VIL1: variants seen among roughly 807,000 people sequenced by gnomAD.
The protein encoded by VIL1 is villin-1.
VIL1 carries 86 observed loss-of-function variants against 104.0 expected under a neutral mutation model. The observed-to-expected ratio is 0.83, with a 90% confidence interval of 0.69 to 0.99. VIL1 has a LOEUF of 0.99. Among genes scored for constraint, VIL1 ranks in the 50% least tolerant of loss-of-function variants. VIL1 has a pLI of 0.00. For synonymous variants in VIL1, 394 were observed against 412.6 expected (o/e 0.95, Z 0.55); for missense variants, 944 against 1,054.1 (o/e 0.90, Z 1.45).
intron 19 of VIL1, among the ~76,000 whole-genome samples, chr2:218,443,812 G>A (rs530336733): frequency 1.3e-5 from 2 of 151,110 alleles, no homozygotes; most frequent in South Asian, 2.1e-4. Context: ...ACACCATCAC[G>A]CCTGGCTAAT....
chr2:218,425,843 G>A (rs751111052), intron 4 of VIL1, 32 bp downstream of exon 4: 4 of 1,578,976 alleles, frequency 2.5e-6, no homozygotes, highest in Non-Finnish European at 3.4e-6. Flanking sequence ...CCGGGGGAAT[G>A]AGGATGAGTG....
chr2:218,430,752 C>A lies in VIL1; in HGVS notation c.976C>A (p.Pro326Thr), dbSNP rs754323747. 1 of 1,608,804 alleles carries A rather than the reference C, an allele frequency of 6.2e-7. No homozygotes were observed. ...CTTCATCAAAGCCAAGCAGTACCCA[C>A]CAAGCACACAGGTGGAGGTGCAGAA... ...LNFIKAKQYP[P>T]STQVEVQNDG... The change falls in exon 10 of 20, where the codon CCA (proline) becomes ACA (threonine). Residue 326 changes from proline to threonine, a missense_variant. By Grantham distance (38) the Pro-to-Thr change is conservative. Coordinates refer to ENST00000248444, the MANE Select transcript of VIL1 (RefSeq NM_007127.3).
chr2:218,437,785 G>C (rs984289733), intron 17 of VIL1, among the ~76,000 whole-genome samples: 3 of 152,122 alleles, frequency 2.0e-5, no homozygotes. Flanking sequence ...AAGCAAAATG[G>C]GTCATGTGTG....
chr2:218,428,902 T>C (rs1689046663), intron 6 of VIL1, among the ~76,000 whole-genome samples: 2 of 152,182 alleles, frequency 1.3e-5, no homozygotes, highest in Admixed American at 6.5e-5. Context: ...ACTCCTGATC[T>C]CAGGTGATCC....
intron 18 of VIL1, among the ~76,000 whole-genome samples, chr2:218,439,200 G>C (rs1165227032): frequency 6.6e-6 from 1 of 151,876 alleles, no homozygotes; most frequent in Non-Finnish European, 1.5e-5. Context: ...CAAAGTGCTA[G>C]GATTGCAGGC....
Position 218,432,518 on chromosome 2 carries a change from G to A in VIL1, c.1342-275G>A, listed in dbSNP as rs528568741. On this transcript the variant is annotated intron_variant, in intron 12 of 19. Coordinates refer to ENST00000248444, the MANE Select transcript of VIL1 (RefSeq NM_007127.3). Reference sequence around the variant, plus strand: ...CCTGTGATGTCTCCCTGAAGAAGGAGCAGAAAGGAAAGGAGGAGGTTTGGG... The same window carrying A: ...CCTGTGATGTCTCCCTGAAGAAGGAACAGAAAGGAAAGGAGGAGGTTTGGG... 1.1e-3 allele frequency: 743 copies of A among 697,604 alleles called. 7 individuals are homozygous for A. Among genetic ancestry groups the A allele is most frequent in the South Asian group, 0.01 (701 of 66,852 alleles). 43.2% of individuals were successfully genotyped at this position (697,604 alleles called of 1,614,324 possible). A position where few individuals can be genotyped will look rare whatever the true frequency, so the allele number is the denominator to read the frequency against.
intron 1 of VIL1, among the ~76,000 whole-genome samples, chr2:218,423,256 G>T (rs1217418998): frequency 1.3e-5 from 2 of 152,056 alleles, no homozygotes; most frequent in African/African-American, 4.8e-5. Flanking sequence ...TTAGCCAGGC[G>T]TGGTGGCTCA....
In VIL1 at chr2:218,429,965, G is replaced by A. The variant is rs755310139; in HGVS notation, c.948+18G>A. 2.1e-6 allele frequency: 3 copies of A among 1,409,622 alleles called. No individual in the cohort carries two copies. Among genetic ancestry groups the A allele is most frequent in the Non-Finnish European group, 3.0e-6 (3 of 995,146 alleles). The allele number at this position is 1,409,622 out of a possible 1,614,324, so 87.3% of individuals were successfully genotyped here. A position where few individuals can be genotyped will look rare whatever the true frequency, so the allele number is the denominator to read the frequency against. On this transcript the variant is annotated intron_variant, in intron 9 of 19. Coordinates refer to ENST00000248444, the MANE Select transcript of VIL1 (RefSeq NM_007127.3). ...ATGCGCTGGTAGTGGTGGGGGCGGG[G>A]GAGGGTCCAGGAGGAGGGCAGAGTG...
intron 13 of VIL1, 35 bp downstream of exon 13, chr2:218,432,986 C>T: frequency 1.2e-6 from 2 of 1,612,402 alleles, no homozygotes; most frequent in South Asian, 2.2e-5. Flanking sequence ...TGGCAGTAAC[C>T]ACTGTGGCAA....
At chr2:218,441,766 T>A (rs529340868) in intron 19 of VIL1, among the ~76,000 whole-genome samples, 1 of 152,262 alleles carries the variant, frequency 6.6e-6, no homozygotes, top group African/African-American at 2.4e-5. Context: ...GGAATGCGGA[T>A]CACCTGAGGT....
chr2:218,431,872 T>C lies in VIL1; in HGVS notation c.1118T>C (p.Val373Ala), dbSNP rs139492129. 2.0e-4 allele frequency: 327 copies of C among 1,613,176 alleles called. 1 individual carries two copies. Among genetic ancestry groups the C allele is most frequent in the Non-Finnish European group, 2.5e-4 (297 of 1,179,788 alleles). Residue 373 changes from valine to alanine, a missense_variant, in exon 11 of 20, where the codon GTG (valine) becomes GCG (alanine). By Grantham distance (64) the Val-to-Ala change is moderately conservative. Coordinates refer to ENST00000248444, the MANE Select transcript of VIL1 (RefSeq NM_007127.3). ...CCCACTCTAGCCAAAGTGGAACAGGTGAAGTTCGATGCCACATCCATGCAT... is the reference window on the plus strand; with the variant it reads ...CCCACTCTAGCCAAAGTGGAACAGGCGAAGTTCGATGCCACATCCATGCAT... ...TVGSVAKVEQ[V>A]KFDATSMHVK...
intron 19 of VIL1, among the ~76,000 whole-genome samples, chr2:218,446,953 AG>A (rs1689373659): frequency 6.6e-6 from 1 of 150,448 alleles, no homozygotes; most frequent in Admixed American, 6.6e-5. Flanking sequence ...TAGTGGAGAC[AG>A]GGTTTCACCA....
chr2:218,444,569 T>C lies in VIL1; in HGVS notation c.2370+3707T>C, dbSNP rs186803230. Among the ~76,000 whole-genome samples the C allele has an allele frequency of 2.5e-3, 374 of 152,294 alleles. 1 individual carries two copies. Among genetic ancestry groups the C allele is most frequent in the Middle Eastern group, 0.017 (5 of 294 alleles). Reference sequence around the variant, plus strand: ...CTGGGATTACAGGCGTGAGCCACCGTGCCCGGCCGGCCTGTAGCTGATTTT... The same window carrying C: ...CTGGGATTACAGGCGTGAGCCACCGCGCCCGGCCGGCCTGTAGCTGATTTT... On this transcript the variant is annotated intron_variant, in intron 19 of 19. Coordinates refer to ENST00000248444, the MANE Select transcript of VIL1 (RefSeq NM_007127.3).
At chr2:218,434,469 T>A in intron 13 of VIL1, 57 bp from the exon 14 acceptor site, 1 of 1,531,850 alleles carries the variant, frequency 6.5e-7, no homozygotes, top group Middle Eastern at 1.9e-4. Context: ...TTCCCCATCA[T>A]CTTCTTTACT....
chr2:218,428,812 C>T (rs1179849197), intron 6 of VIL1, among the ~76,000 whole-genome samples: 3 of 152,210 alleles, frequency 2.0e-5, no homozygotes, highest in South Asian at 2.1e-4. Flanking sequence ...GCTGGGATTA[C>T]AGGCGTGCAT....
intron 15 of VIL1, among the ~76,000 whole-genome samples, chr2:218,435,935 T>C (rs925922436): frequency 6.6e-6 from 1 of 152,302 alleles, no homozygotes; most frequent in South Asian, 2.1e-4. Flanking sequence ...GCCTCCCAGG[T>C]TCCAGCAATT....
chr2:218,432,023 C>G, intron 11 of VIL1, 23 bp from the exon 12 acceptor site: 1 of 1,614,008 alleles, frequency 6.2e-7, no homozygotes, highest in Non-Finnish European at 8.5e-7. Context: ...CTGGACCTCA[C>G]CCTGGCCTGA....
Position 218,437,219 on chromosome 2 carries a change from T to C in VIL1, c.2067T>C (p.Arg689=). 1 of 1,614,212 alleles carries C rather than the reference T, an allele frequency of 6.2e-7. No homozygotes were observed. The highest frequency in any genetic ancestry group is 1.1e-5 in the South Asian group (1 of 91,086). Residue 689 remains arginine, a synonymous_variant, in exon 17 of 20, where the codon CGT becomes CGC. Coordinates refer to ENST00000248444, the MANE Select transcript of VIL1 (RefSeq NM_007127.3). ...QEYLKTHPSG[R]DPETPIIVVK... is the part of the protein sequence containing the mutation. ...ACCTCAAGACCCATCCCAGCGGGCGTGACCCTGAGACCCCCATCATTGTGG... is the reference window on the plus strand; with the variant it reads ...ACCTCAAGACCCATCCCAGCGGGCGCGACCCTGAGACCCCCATCATTGTGG...
intron 14 of VIL1, among the ~76,000 whole-genome samples, chr2:218,434,908 T>A (rs1450132699): frequency 6.6e-6 from 1 of 152,212 alleles, no homozygotes. Context: ...ATCCTCAGAT[T>A]CTCTGCCTCT....
Sources: gnomAD v4.1 joint callset for allele counts (sites outside exome capture counted in the v4.1 genomes callset) on GRCh38, gnomAD v4.1.1 for gene constraint, MANE v1.5 for transcripts, NCBI Gene and HGNC (gene_info 2026-07-23, HGNC 2026-07-21) for gene names.